Variants in PIWIL3 observed in about 807,000 individuals in gnomAD.
PIWIL3 encodes piwi like RNA-mediated gene silencing 3.
PIWIL3 carries 101 observed loss-of-function variants against 109.7 expected under a neutral mutation model. The ratio of observed to expected loss-of-function variants is 0.92; its 90% CI spans 0.78 to 1.09. The LOEUF (loss-of-function observed/expected upper bound fraction) is 1.09, where lower values mean the gene tolerates loss of function less well. Among genes scored for constraint, PIWIL3 ranks in the 50% least tolerant of loss-of-function variants. The pLI, the probability that PIWIL3 is intolerant of heterozygous loss-of-function variation, is 0.00. For synonymous variants in PIWIL3, 373 were observed against 376.4 expected (o/e 0.99, Z 0.10); for missense variants, 1,031 against 1,072.6 (o/e 0.96, Z 0.54).
intron 4 of PIWIL3, 40 bp downstream of exon 4, chr22:24,757,868 A>G (rs1399702747): frequency 6.4e-6 from 10 of 1,551,824 alleles, no homozygotes; most frequent in Non-Finnish European, 8.6e-6. Flanking sequence ...AAAGTTAAAA[A>G]CGAACAGCTC....
intron 14 of PIWIL3, among the ~76,000 whole-genome samples, chr22:24,729,379 C>CT (rs1923199104): frequency 6.6e-6 from 1 of 152,128 alleles, no homozygotes; most frequent in Non-Finnish European, 1.5e-5. Flanking sequence ...CCCTAGACAG[C>CT]TTCCTCATGA....
chr22:24,719,567 G>A lies in PIWIL3; in HGVS notation c.2527C>T (p.Pro843Ser), dbSNP rs774509521. Reference protein sequence around the residue: ...NLPGIIRVPAPCHYAHKLAYL... With the variant: ...NLPGIIRVPASCHYAHKLAYL... ...GCCAGCTTGTGGGCATAGTGGCAAG[G>A]CGCTGGAACTCGGATGATGCCCTTT... The change falls in exon 21 of 21, where the codon CCT (proline) becomes TCT (serine). Residue 843 changes from proline to serine, a missense_variant. Transcript: ENST00000616349. The A allele has an allele frequency of 7.5e-6, 12 of 1,600,428 alleles. No individual in the cohort carries two copies. In the Admixed American group the frequency reaches 1.1e-4, roughly 14 times the overall value.
At position 24,759,968 on chromosome 22, in the gene PIWIL3, G is replaced by A; in HGVS notation, c.124C>T (p.Gln42Ter). The A allele has an allele frequency of 6.2e-7, 1 of 1,614,112 alleles. No individual in the cohort carries two copies. Among genetic ancestry groups the A allele is most frequent in the Non-Finnish European group, 8.5e-7 (1 of 1,180,024 alleles). Reference protein sequence around the residue: ...SATTQEPPQLQSTPRPLQEEV... With the variant: ...SATTQEPPQL ...TCCTGCAGCGGCCGGGGTGTCGACT[G>A]CAACTGAGGGGGCTCCTGGGTCTGC... Residue 42 changes from glutamine (Q) to a stop codon, truncating the protein, a stop_gained, in exon 3 of 21, where the codon CAG becomes TAG. Coordinates refer to ENST00000616349, the MANE Select transcript of PIWIL3 (RefSeq NM_001255975.1). LOFTEE classifies it high-confidence loss of function.
intron 6 of PIWIL3, 123 bp downstream of exon 6, chr22:24,755,661 A>T: frequency 8.0e-7 from 1 of 1,256,216 alleles, no homozygotes; most frequent in Non-Finnish European, 1.1e-6. Flanking sequence ...AAGACCCTTC[A>T]CTCTCTTAAT....
At chr22:24,739,588 G>A (rs1292987085) in intron 12 of PIWIL3, among the ~76,000 whole-genome samples, 1 of 151,918 alleles carries the variant, frequency 6.6e-6, no homozygotes, top group African/African-American at 2.4e-5. Flanking sequence ...AATATACCCA[G>A]TAAAAATATC....
chr22:24,769,971 A>C (rs969920964), intron 1 of PIWIL3, among the ~76,000 whole-genome samples: 4 of 152,180 alleles, frequency 2.6e-5, no homozygotes, highest in Non-Finnish European at 5.9e-5. Flanking sequence ...GGGTTGGACA[A>C]GCTTGGTTTA....
At position 24,755,157 on chromosome 22, in the gene PIWIL3, C is replaced by T. The variant is rs149004985; in HGVS notation, c.693-293G>A. ...CTTTTTTTGGAGACAGAGTCTCGCT[C>T]TGTTGCCCAGGCTGGAGTGTGGTGG... On this transcript the variant is annotated intron_variant, in intron 6 of 20. Coordinates refer to ENST00000616349, the MANE Select transcript of PIWIL3 (RefSeq NM_001255975.1). 3.7e-4 allele frequency among the ~76,000 whole-genome samples: 56 copies of T among 152,298 alleles called. No homozygotes were observed. The East Asian group carries it at 9.3e-3, about 25-fold the overall frequency.
chr22:24,722,830 A>T (rs1922754098), intron 19 of PIWIL3, among the ~76,000 whole-genome samples: 2 of 152,190 alleles, frequency 1.3e-5, no homozygotes, highest in South Asian at 4.1e-4. Context: ...CAATATAAAC[A>T]TCATTTGCTA....
chr22:24,725,867 GCTC>G (rs891092873), intron 16 of PIWIL3, among the ~76,000 whole-genome samples: 3 of 152,118 alleles, frequency 2.0e-5, no homozygotes, highest in African/African-American at 7.2e-5. Context: ...CTCAACAATG[GCTC>G]CTCCATGTTC....
intron 8 of PIWIL3, among the ~76,000 whole-genome samples, chr22:24,751,808 T>G (rs535985172): frequency 1.7e-3 from 265 of 152,234 alleles, no homozygotes; most frequent in Non-Finnish European, 2.3e-3. Context: ...ATTTGCTCAT[T>G]CATTTCACGT....
At chr22:24,727,526 C>G (rs1195895695) in intron 16 of PIWIL3, among the ~76,000 whole-genome samples, 1 of 152,192 alleles carries the variant, frequency 6.6e-6, no homozygotes, top group Non-Finnish European at 1.5e-5. Flanking sequence ...CCAGGGACCT[C>G]TGTCATCTAA....
chr22:24,773,982 G>C (rs1430048962), intron 1 of PIWIL3, among the ~76,000 whole-genome samples: 2 of 152,018 alleles, frequency 1.3e-5, no homozygotes, highest in East Asian at 3.9e-4. Context: ...CAAAGTGCTG[G>C]GATTACAGGC....
intron 8 of PIWIL3, among the ~76,000 whole-genome samples, chr22:24,752,390 A>G (rs886571779): frequency 2.0e-5 from 3 of 152,058 alleles, no homozygotes; most frequent in Admixed American, 2.0e-4. Flanking sequence ...CACCAGATGG[A>G]GATCACATCT....
intron 4 of PIWIL3, 141 bp downstream of exon 4, chr22:24,757,767 A>G: frequency 2.1e-6 from 2 of 968,688 alleles, no homozygotes; most frequent in Non-Finnish European, 2.9e-6. Context: ...GGATCAGCTG[A>G]GCCCAGGAGT....
intron 14 of PIWIL3, among the ~76,000 whole-genome samples, chr22:24,731,098 A>AC (rs1453674884): frequency 1.3e-5 from 2 of 152,170 alleles, no homozygotes; most frequent in African/African-American, 2.4e-5. Context: ...CCTGGGCCTC[A>AC]CAGCATGACA....
In PIWIL3 at chr22:24,743,065, T is replaced by C. The variant is rs538656421; in HGVS notation, c.1449+5842A>G. 6.6e-5 allele frequency among the ~76,000 whole-genome samples: 10 copies of C among 151,994 alleles called. No individual in the cohort carries two copies. The South Asian group carries it at 2.1e-3, about 32-fold the overall frequency. ...GAAAGAAAACAATCCCATCAAAAAG[T>C]GGGCAAAGGACATGAATAGACAATT... On this transcript the variant is annotated intron_variant, in intron 12 of 20. Coordinates refer to ENST00000616349, the MANE Select transcript of PIWIL3 (RefSeq NM_001255975.1).
chr22:24,754,326 T>A, intron 7 of PIWIL3, 109 bp from the exon 8 acceptor site: 1 of 806,688 alleles, frequency 1.2e-6, no homozygotes. Flanking sequence ...CAGTTTTAAG[T>A]ATTTATTCTT....
chr22:24,757,688 AC>A (rs1925166664), intron 4 of PIWIL3, among the ~76,000 whole-genome samples: 1 of 138,396 alleles, frequency 7.2e-6, no homozygotes, highest in African/African-American at 2.6e-5. Flanking sequence ...ACACACACAC[AC>A]ACACACACAC....
At chr22:24,766,575 G>A (rs1925807884) in intron 1 of PIWIL3, among the ~76,000 whole-genome samples, 1 of 152,044 alleles carries the variant, frequency 6.6e-6, no homozygotes, top group Admixed American at 6.6e-5. Context: ...GCCTGCCTCA[G>A]CCTTCCAAAG....
Sources: allele counts gnomAD v4.1 joint callset (sites outside exome capture counted in the v4.1 genomes callset), GRCh38; gene constraint gnomAD v4.1.1; transcripts MANE v1.5; gene names NCBI Gene and HGNC (gene_info 2026-07-23, HGNC 2026-07-21).